SOX5: variants seen among roughly 807,000 people sequenced by gnomAD.
SOX5 encodes SRY-box transcription factor 5.
In SOX5, 9 loss-of-function variants were observed where a neutral mutation model predicts 92.0. The ratio of observed to expected loss-of-function variants is 0.10; its 90% CI spans 0.06 to 0.17. The LOEUF is 0.17. Ranked by LOEUF, SOX5 falls within the 10% of genes least tolerant of loss-of-function variation. SOX5 has a pLI of 1.00. For missense variants in SOX5, 642 were observed against 944.5 expected, an observed-to-expected ratio of 0.68 and a Z score of 4.20; for synonymous variants, 344 against 336.3, an observed-to-expected ratio of 1.02 and a Z score of -0.25.
intron 3 of SOX5, among the ~76,000 whole-genome samples, chr12:23,760,177 C>T (rs1036486645): frequency 1.3e-5 from 2 of 151,970 alleles, no homozygotes; most frequent in African/African-American, 4.8e-5. Context: ...ATAGCATTTC[C>T]ATTTACAGAA....
chr12:24,402,838 A>T (rs931793486), intron 1 of SOX5, among the ~76,000 whole-genome samples: 1 of 152,194 alleles, frequency 6.6e-6, no homozygotes, highest in Non-Finnish European at 1.5e-5. Flanking sequence ...AGCTTCGTTT[A>T]TTTAAGCTTT....
At chr12:23,792,124 T>TG (rs1320634698) in intron 3 of SOX5, among the ~76,000 whole-genome samples, 1 of 152,060 alleles carries the variant, frequency 6.6e-6, no homozygotes, top group Non-Finnish European at 1.5e-5. Flanking sequence ...GTGTCAAACG[T>TG]GTACACAACT....
At chr12:24,398,703 A>C (rs1960701814) in intron 1 of SOX5, among the ~76,000 whole-genome samples, 1 of 152,242 alleles carries the variant, frequency 6.6e-6, no homozygotes, top group South Asian at 2.1e-4. Context: ...TAAATTCCTG[A>C]CAGGAGAGAA....
At chr12:23,972,612 G>C (rs1948470929) in intron 4 of SOX5, among the ~76,000 whole-genome samples, 1 of 152,040 alleles carries the variant, frequency 6.6e-6, no homozygotes, top group Non-Finnish European at 1.5e-5. Flanking sequence ...ACCCACCTCA[G>C]CCTCCCAAAG....
At chr12:24,036,875 G>A (rs77033726) in intron 4 of SOX5, among the ~76,000 whole-genome samples, 3,337 of 152,166 alleles carry the variant, frequency 0.022, 127 homozygotes, top group African/African-American at 0.077. Context: ...TGACAATAAA[G>A]AATCCTTTTA....
chr12:23,529,957 T>G lies in SOX5; in HGVS notation c.*4262A>C, dbSNP rs1454109782. ...TGGAGCTATATAAATACTGTTTTAGTGAACCAGTGACGGAAACACTGGGGA... is the reference window on the plus strand; with the variant it reads ...TGGAGCTATATAAATACTGTTTTAGGGAACCAGTGACGGAAACACTGGGGA... On this transcript the variant is annotated 3_prime_UTR_variant, in exon 15 of 15. Transcript: ENST00000451604. 2.0e-5 allele frequency: 3 copies of G among 152,122 alleles called. No individual in the cohort carries two copies. Among genetic ancestry groups the G allele is most frequent in the Non-Finnish European group, 4.4e-5 (3 of 68,036 alleles). 9.4% of individuals were successfully genotyped at this position (152,122 alleles called of 1,614,324 possible).
At chr12:23,602,737 T>C (rs1250757538) in intron 9 of SOX5, among the ~76,000 whole-genome samples, 2 of 152,118 alleles carry the variant, frequency 1.3e-5, no homozygotes, top group African/African-American at 4.8e-5. Context: ...GCTACAGCTA[T>C]TTATTTTATC....
chr12:23,626,114 G>A (rs2138249122), intron 8 of SOX5, among the ~76,000 whole-genome samples: 1 of 152,142 alleles, frequency 6.6e-6, no homozygotes, highest in Admixed American at 6.5e-5. Flanking sequence ...GAAAAAGAAA[G>A]AGACAGAGAA....
chr12:23,767,283 T>C (rs2094769276), intron 3 of SOX5, among the ~76,000 whole-genome samples: 1 of 151,222 alleles, frequency 6.6e-6, no homozygotes, highest in African/African-American at 2.4e-5. Context: ...ACTATACACA[T>C]AAGAAGCATA....
intron 2 of SOX5, among the ~76,000 whole-genome samples, chr12:23,890,687 G>A (rs973556946): frequency 1.3e-5 from 2 of 151,980 alleles, no homozygotes; most frequent in African/African-American, 4.8e-5. Context: ...GACGCATTCT[G>A]GAGAGTCCTT....
chr12:23,579,778 T>A (rs1223364575), intron 9 of SOX5, among the ~76,000 whole-genome samples: 1 of 152,078 alleles, frequency 6.6e-6, no homozygotes, highest in African/African-American at 2.4e-5. Flanking sequence ...TTTAAACATG[T>A]TAAATAAATT....
At chr12:24,072,974 C>T (rs1405960172) in intron 4 of SOX5, among the ~76,000 whole-genome samples, 2 of 152,048 alleles carry the variant, frequency 1.3e-5, no homozygotes, top group Non-Finnish European at 2.9e-5. Flanking sequence ...CACATATGTG[C>T]TCCAAATCAT....
intron 4 of SOX5, among the ~76,000 whole-genome samples, chr12:23,999,517 G>A (rs945632264): frequency 5.1e-4 from 78 of 151,966 alleles, no homozygotes; most frequent in Non-Finnish European, 1.2e-4. Context: ...CTGGATTGTG[G>A]TAATCATTTC....
intron 1 of SOX5, among the ~76,000 whole-genome samples, chr12:24,498,054 G>A (rs1947825590): frequency 6.6e-6 from 1 of 152,170 alleles, no homozygotes; most frequent in African/African-American, 2.4e-5. Context: ...GCCTGTCTGA[G>A]GGTGCAGCAG....
At chr12:23,799,207 A>G (rs1191901301) in intron 3 of SOX5, among the ~76,000 whole-genome samples, 1 of 152,054 alleles carries the variant, frequency 6.6e-6, no homozygotes, top group East Asian at 1.9e-4. Flanking sequence ...AGAATGTATA[A>G]GCATTCTAAC....
chr12:23,864,725 A>G (rs551078930), intron 2 of SOX5, among the ~76,000 whole-genome samples: 5 of 152,352 alleles, frequency 3.3e-5, no homozygotes, highest in Admixed American at 1.3e-4. Flanking sequence ...GAAAGCTAGC[A>G]GAGGTTGGCT....
At chr12:23,653,872 GA>G (rs2081992889) in intron 7 of SOX5, among the ~76,000 whole-genome samples, 1 of 152,046 alleles carries the variant, frequency 6.6e-6, no homozygotes, top group African/African-American at 2.4e-5. Flanking sequence ...CTAAAGGGAG[GA>G]ATTATGTCTT....
At chr12:23,973,989 GT>G (rs1218330760) in intron 4 of SOX5, among the ~76,000 whole-genome samples, 1 of 152,136 alleles carries the variant, frequency 6.6e-6, no homozygotes, top group African/African-American at 2.4e-5. Flanking sequence ...CTGGTCCCTG[GT>G]GCCAAAAAGG....
intron 1 of SOX5, among the ~76,000 whole-genome samples, chr12:23,943,529 C>A (rs892392415): frequency 6.6e-6 from 1 of 152,052 alleles, no homozygotes; most frequent in Non-Finnish European, 1.5e-5. Flanking sequence ...GCTGCTGTAC[C>A]ACCTTCACTA....
Sources: gnomAD v4.1 joint callset for allele counts (sites outside exome capture counted in the v4.1 genomes callset) on GRCh38, gnomAD v4.1.1 for gene constraint, MANE v1.5 for transcripts, NCBI Gene and HGNC (gene_info 2026-07-23, HGNC 2026-07-21) for gene names.